ZMYM2: variants seen among roughly 807,000 people sequenced by gnomAD.
The protein encoded by ZMYM2 is zinc finger MYM-type protein 2.
A neutral mutation model predicts 162.8 loss-of-function variants in ZMYM2; 56 were observed. That is an observed-to-expected ratio of 0.34 (90% CI 0.28 to 0.43). ZMYM2 has a LOEUF of 0.43. ZMYM2 is among the 20% of genes least tolerant of loss of function. The pLI is 1.00. For synonymous variants in ZMYM2, 510 were observed against 541.6 expected, an observed-to-expected ratio of 0.94 and a Z score of 0.81; for missense variants, 1,275 against 1,621.8, an observed-to-expected ratio of 0.79 and a Z score of 3.67.
At chr13:19,985,146 C>T (rs534637866) in intron 2 of ZMYM2, among the ~76,000 whole-genome samples, 18 of 152,184 alleles carry the variant, frequency 1.2e-4, no homozygotes, top group African/African-American at 1.7e-4. Flanking sequence ...GTTGTTGAGA[C>T]GGGGTTTCAC....
chr13:19,922,640 C>T, the ZMYM2 span, among the ~76,000 whole-genome samples: 2 of 151,812 alleles, frequency 1.3e-5, no homozygotes, highest in Non-Finnish European at 2.9e-5. Flanking sequence ...GTCAGGAGAT[C>T]GAGACCATCC....
At chr13:19,942,753 T>C in the ZMYM2 span, among the ~76,000 whole-genome samples, 1 of 152,088 alleles carries the variant, frequency 6.6e-6, no homozygotes, top group Non-Finnish European at 1.5e-5. Context: ...AAATAGCTCA[T>C]AATTTTTTAA....
chr13:20,000,280 T>C (rs1403403919), intron 3 of ZMYM2, among the ~76,000 whole-genome samples: 2 of 152,180 alleles, frequency 1.3e-5, no homozygotes, highest in Non-Finnish European at 2.9e-5. Context: ...TAAAGGTTGG[T>C]TCATGAGGTT....
chr13:19,940,041 T>C, the ZMYM2 span, among the ~76,000 whole-genome samples: 1 of 152,170 alleles, frequency 6.6e-6, no homozygotes, highest in Non-Finnish European at 1.5e-5. Context: ...TACTATTCAA[T>C]TTTATGTTTT....
chr13:20,030,452 G>C (rs576089520), intron 9 of ZMYM2, among the ~76,000 whole-genome samples: 155 of 147,798 alleles, frequency 1.0e-3, no homozygotes, highest in African/African-American at 3.7e-3. Context: ...AGGCTGGAGT[G>C]CAGTGGCGTG....
At chr13:19,910,623 G>A in the ZMYM2 span, among the ~76,000 whole-genome samples, 54 of 151,156 alleles carry the variant, frequency 3.6e-4, no homozygotes, top group South Asian at 9.9e-3. Context: ...CCTCCCGGGC[G>A]TGAACCACCG....
intron 8 of ZMYM2, 45 bp downstream of exon 8, chr13:20,026,807 A>C: frequency 6.5e-7 from 1 of 1,538,584 alleles, no homozygotes; most frequent in Non-Finnish European, 8.7e-7. Flanking sequence ...TTACAACGTA[A>C]TTAATTTTTG....
At chr13:20,029,388 C>T (rs990333516) in intron 9 of ZMYM2, among the ~76,000 whole-genome samples, 10 of 152,196 alleles carry the variant, frequency 6.6e-5, no homozygotes, top group South Asian at 4.1e-4. Context: ...AGGATTTCAG[C>T]CTATGAATTT....
At chr13:20,036,188 G>A (rs545673024) in intron 11 of ZMYM2, among the ~76,000 whole-genome samples, 35 of 152,128 alleles carry the variant, frequency 2.3e-4, no homozygotes, top group Non-Finnish European at 4.1e-4. Context: ...TACTTAATGC[G>A]TTTATGTAGT....
intron 12 of ZMYM2, among the ~76,000 whole-genome samples, chr13:20,046,609 ATATATATGTG>A (rs72171093): frequency 0.39 from 51,724 of 134,348 alleles, 10,023 homozygotes; most frequent in African/African-American, 0.43. Flanking sequence ...GTGTGTGTGT[ATATATATGTG>A]TATATATATG....
rs765537674 is a variant in ZMYM2, at chr13:20,059,432, G to A, written c.2624-15G>A. On this transcript the variant is annotated splice_polypyrimidine_tract_variant and intron_variant, in intron 15 of 24. Transcript: ENST00000610343. ...TTAGTTAACATTGCTCCTTAAATAT[G>A]TTTTGTGTTTTTAGATGATACTTGG... The A allele has an allele frequency of 8.1e-6, 13 of 1,612,430 alleles. No homozygotes were observed. The East Asian group carries it at 1.1e-4, about 14-fold the overall frequency.
chr13:20,086,037 C>T lies in ZMYM2; in HGVS notation c.*23C>T, dbSNP rs745984031. The stretch of plus-strand genomic sequence containing the variant: ...TAAAAAGGAACGTTGCAGAAGCAAT[C>T]GGGATAAAACAGCATTAGATAGTCA... On this transcript the variant is annotated 3_prime_UTR_variant, in exon 25 of 25. Coordinates refer to ENST00000610343, the MANE Select transcript of ZMYM2 (RefSeq NM_197968.4). The T allele has an allele frequency of 6.9e-6, 11 of 1,603,266 alleles. No homozygotes were observed. The highest frequency in any genetic ancestry group is 4.0e-5 in the African/African-American group (3 of 74,514).
At chr13:19,864,635 C>G in the ZMYM2 span, 1 of 153,098 alleles carries the variant, frequency 6.5e-6, no homozygotes, top group African/African-American at 2.4e-5. Flanking sequence ...TGCTAGCAGC[C>G]CGGGGCGCTG....
At chr13:19,915,660 C>T in the ZMYM2 span, among the ~76,000 whole-genome samples, 1,679 of 151,766 alleles carry the variant, frequency 0.011, 27 homozygotes, top group African/African-American at 0.032. Context: ...CCCACCACCA[C>T]GCCCAGCTAA....
chr13:19,980,298 A>G (rs1957199144), intron 2 of ZMYM2, among the ~76,000 whole-genome samples: 1 of 152,056 alleles, frequency 6.6e-6, no homozygotes, highest in African/African-American at 2.4e-5. Context: ...TATATACCCT[A>G]TTGAAATTTC....
intron 21 of ZMYM2, among the ~76,000 whole-genome samples, chr13:20,081,534 T>G (rs980983166): frequency 6.6e-6 from 1 of 151,068 alleles, no homozygotes; most frequent in Non-Finnish European, 1.5e-5. Flanking sequence ...CCTGACAAAG[T>G]CAGAGTGCTA....
chr13:19,867,070 C>T, the ZMYM2 span, among the ~76,000 whole-genome samples: 1 of 151,982 alleles, frequency 6.6e-6, no homozygotes, highest in Admixed American at 6.6e-5. Context: ...TGGCTTAGTA[C>T]AGCCAGGCGC....
intron 22 of ZMYM2, 72 bp downstream of exon 22, chr13:20,082,202 A>T: frequency 9.0e-7 from 1 of 1,111,764 alleles, no homozygotes; most frequent in African/African-American, 1.6e-5. Context: ...TATGTTTGAA[A>T]ATATTATAAT....
intron 4 of ZMYM2, among the ~76,000 whole-genome samples, chr13:20,004,448 G>C (rs1314318158): frequency 2.6e-5 from 4 of 152,004 alleles, no homozygotes; most frequent in Non-Finnish European, 5.9e-5. Flanking sequence ...GTAGAGACGG[G>C]GTTTCACCAT....
Sources: gnomAD v4.1 joint callset for allele counts (sites outside exome capture counted in the v4.1 genomes callset) on GRCh38, gnomAD v4.1.1 for gene constraint, MANE v1.5 for transcripts, NCBI Gene and HGNC (gene_info 2026-07-23, HGNC 2026-07-21) for gene names.